Variants in EVI5 observed in about 807,000 individuals in gnomAD.
EVI5 encodes the protein ecotropic viral integration site 5 protein homolog.
In EVI5, 73 loss-of-function variants were observed where a neutral mutation model predicts 112.0. The ratio of observed to expected loss-of-function variants is 0.65; its 90% CI spans 0.54 to 0.79. The LOEUF (loss-of-function observed/expected upper bound fraction) is 0.79, where lower values mean the gene tolerates loss of function less well. Ranked by LOEUF, EVI5 falls within the 30% of genes least tolerant of loss-of-function variation. The pLI is 0.00. For synonymous variants in EVI5, 305 were observed against 319.9 expected (o/e 0.95, Z 0.50); for missense variants, 900 against 968.8 (o/e 0.93, Z 0.94).
intron 1 of EVI5, chr1:92,784,575 G>A (rs903217633): frequency 8.5e-6 from 3 of 353,284 alleles, no homozygotes; most frequent in African/African-American, 2.2e-5. Flanking sequence ...GCCCTGGGAC[G>A]CCACAGTTAG....
intron 18 of EVI5, among the ~76,000 whole-genome samples, chr1:92,585,176 T>C (rs1466006350): frequency 1.3e-5 from 2 of 150,804 alleles, no homozygotes; most frequent in East Asian, 1.9e-4. Context: ...TGAGCCGAGA[T>C]TGCACCATTG....
intron 9 of EVI5, among the ~76,000 whole-genome samples, chr1:92,686,326 G>A (rs867529797): frequency 4.8e-4 from 73 of 152,220 alleles, no homozygotes; most frequent in African/African-American, 1.8e-3. Context: ...ATGCAGAAAA[G>A]GCCTTTGACA....
intron 1 of EVI5, among the ~76,000 whole-genome samples, chr1:92,738,103 G>A (rs1639371251): frequency 6.6e-6 from 1 of 152,138 alleles, no homozygotes; most frequent in Non-Finnish European, 1.5e-5. Context: ...AGTCCTTCCT[G>A]TCAACTCATA....
chr1:92,544,549 T>C (rs1354556533), intron 19 of EVI5, among the ~76,000 whole-genome samples: 1 of 152,220 alleles, frequency 6.6e-6, no homozygotes, highest in Non-Finnish European at 1.5e-5. Context: ...CTCCTACAAC[T>C]TCATTTAAAA....
At chr1:92,645,324 G>A (rs537007393) in intron 13 of EVI5, among the ~76,000 whole-genome samples, 1 of 152,148 alleles carries the variant, frequency 6.6e-6, no homozygotes, top group South Asian at 2.1e-4. Context: ...TCCAGGCTTT[G>A]TTTTGATTAG....
At chr1:92,590,863 G>A (rs1199485917) in intron 18 of EVI5, among the ~76,000 whole-genome samples, 1 of 152,220 alleles carries the variant, frequency 6.6e-6, no homozygotes, top group South Asian at 2.1e-4. Context: ...CAGCCAGAGA[G>A]AAAGGTCGGG....
chr1:92,663,294 A>G (rs1406594345), intron 12 of EVI5, 126 bp downstream of exon 12: 5 of 475,332 alleles, frequency 1.1e-5, no homozygotes, highest in Non-Finnish European at 1.8e-5. Flanking sequence ...TATACCACCC[A>G]AAAAATTATT....
At chr1:92,752,009 CT>C (rs1680269822) in intron 1 of EVI5, among the ~76,000 whole-genome samples, 1 of 152,044 alleles carries the variant, frequency 6.6e-6, no homozygotes, top group African/African-American at 2.4e-5. Context: ...GAGAGACACC[CT>C]GTCTTAAAAA....
chr1:92,707,333 A>G (rs192562967), intron 2 of EVI5, among the ~76,000 whole-genome samples: 2 of 152,214 alleles, frequency 1.3e-5, no homozygotes, highest in African/African-American at 4.8e-5. Flanking sequence ...GTGCTCCTCA[A>G]AAGATACTAT....
At chr1:92,559,959 A>C (rs1668274446) in intron 19 of EVI5, among the ~76,000 whole-genome samples, 1 of 152,108 alleles carries the variant, frequency 6.6e-6, no homozygotes, top group African/African-American at 2.4e-5. Flanking sequence ...TAATCAGGGA[A>C]ATGCACATTA....
intron 13 of EVI5, among the ~76,000 whole-genome samples, chr1:92,661,551 A>G (rs1002815685): frequency 2.0e-5 from 3 of 152,172 alleles, no homozygotes; most frequent in African/African-American, 7.2e-5. Flanking sequence ...AATTCCTAAT[A>G]TAAATCCACA....
intron 2 of EVI5, among the ~76,000 whole-genome samples, chr1:92,731,063 C>T (rs2102769066): frequency 6.6e-6 from 1 of 152,264 alleles, no homozygotes; most frequent in South Asian, 2.1e-4. Context: ...GTGGCTCAGG[C>T]CTGTAATCCC....
chr1:92,767,196 T>G (rs1682765993), intron 1 of EVI5, among the ~76,000 whole-genome samples: 1 of 152,194 alleles, frequency 6.6e-6, no homozygotes, highest in African/African-American at 2.4e-5. Flanking sequence ...CTGTATATGC[T>G]ATCCGCCTGT....
intron 16 of EVI5, among the ~76,000 whole-genome samples, chr1:92,610,076 G>A (rs187920020): frequency 3.3e-5 from 5 of 152,084 alleles, no homozygotes; most frequent in Admixed American, 1.3e-4. Context: ...TAGTAGAGAC[G>A]AGGTCCTACT....
At chr1:92,534,775 C>A (rs113190075) in intron 19 of EVI5, among the ~76,000 whole-genome samples, 129,670 of 152,184 alleles carry the variant, frequency 0.85, 55,615 homozygotes, top group East Asian at 0.97. Flanking sequence ...AATTAACTCA[C>A]GATGGATTAA....
At chr1:92,719,720 T>C (rs542053654) in intron 2 of EVI5, among the ~76,000 whole-genome samples, 5 of 152,036 alleles carry the variant, frequency 3.3e-5, no homozygotes, top group Middle Eastern at 3.4e-3. Context: ...GAGAAAGAAA[T>C]AAAGGATATT....
At chr1:92,784,646 G>T (rs2103128106) in intron 1 of EVI5, among the ~76,000 whole-genome samples, 190 bp downstream of exon 1, 1 of 152,018 alleles carries the variant, frequency 6.6e-6, no homozygotes, top group East Asian at 1.9e-4. Flanking sequence ...CGGCGGCGGC[G>T]GCGACAGGCG....
At position 92,514,043 on chromosome 1, in the gene EVI5, T is replaced by C. The variant is rs188406560; in HGVS notation, c.2167-73A>G. ...CACACGCCAAAAAGCAAACATTCCA[T>C]GTTTAAGGAAGAAGATGCCTTATTA... is the stretch of plus-strand genomic sequence containing the variant. On this transcript the variant is annotated intron_variant, in intron 19 of 19. Coordinates refer to ENST00000684568, the MANE Select transcript of EVI5 (RefSeq NM_001350197.2). 56 of 915,018 alleles carry C rather than the reference T, an allele frequency of 6.1e-5. No homozygotes were observed. The East Asian group carries it at 1.0e-3, about 16-fold the overall frequency. The allele number at this position is 915,018 out of a possible 1,614,324, so 56.7% of individuals were successfully genotyped here. A position where few individuals can be genotyped will look rare whatever the true frequency, so the allele number is the denominator to read the frequency against.
chr1:92,714,651 G>A (rs564321771), intron 2 of EVI5, among the ~76,000 whole-genome samples: 70 of 152,296 alleles, frequency 4.6e-4, no homozygotes, highest in African/African-American at 1.6e-3. Flanking sequence ...GTATAGTAAT[G>A]TGATCAGAGC....
Sources: gnomAD v4.1 joint callset for allele counts (sites outside exome capture counted in the v4.1 genomes callset) on GRCh38, gnomAD v4.1.1 for gene constraint, MANE v1.5 for transcripts, NCBI Gene and HGNC (gene_info 2026-07-23, HGNC 2026-07-21) for gene names.